GATAD2A: variants seen among roughly 807,000 people sequenced by gnomAD.
GATAD2A encodes the protein transcriptional repressor p66-alpha.
In GATAD2A, 12 loss-of-function variants were observed where a neutral mutation model predicts 68.5. The observed-to-expected ratio is 0.18, with a 90% CI of 0.11 to 0.28. The LOEUF is 0.28. Among genes scored for constraint, GATAD2A ranks in the 10% least tolerant of loss-of-function variants. The probability of loss-of-function intolerance (pLI) is 1.00; values close to 1 mark genes in which losing one functional copy is unlikely to be tolerated. For missense variants in GATAD2A, 755 were observed against 868.5 expected, an observed-to-expected ratio of 0.87 and a Z score of 1.64; for synonymous variants, 410 against 375.3, an observed-to-expected ratio of 1.09 and a Z score of -1.07.
intron 1 of GATAD2A, among the ~76,000 whole-genome samples, chr19:19,395,076 C>G (rs2049127176): frequency 6.6e-6 from 1 of 152,178 alleles, no homozygotes; most frequent in Non-Finnish European, 1.5e-5. Flanking sequence ...CTCTGCTGCC[C>G]TTGGGAAGTG....
intron 2 of GATAD2A, among the ~76,000 whole-genome samples, chr19:19,489,218 C>G (rs2059628205): frequency 6.6e-6 from 1 of 152,222 alleles, no homozygotes; most frequent in Admixed American, 6.5e-5. Flanking sequence ...GCCTGTGGTG[C>G]AGCAACAGTC....
At chr19:19,451,561 G>A (rs531564844) in intron 1 of GATAD2A, among the ~76,000 whole-genome samples, 1 of 152,354 alleles carries the variant, frequency 6.6e-6, no homozygotes, top group Admixed American at 6.5e-5. Context: ...GTGCCAGTGA[G>A]TTGAGGACGT....
intron 2 of GATAD2A, among the ~76,000 whole-genome samples, chr19:19,479,718 G>A (rs1290551328): frequency 3.3e-5 from 5 of 152,056 alleles, no homozygotes; most frequent in Admixed American, 6.6e-5. Context: ...GATCGTTTTG[G>A]TGAGGTGCCA....
At chr19:19,388,759 T>C (rs1420747167) in intron 1 of GATAD2A, among the ~76,000 whole-genome samples, 8 of 152,004 alleles carry the variant, frequency 5.3e-5, no homozygotes, top group African/African-American at 1.9e-4. Flanking sequence ...CCCTGCATAG[T>C]ATAACTTAAC....
At chr19:19,433,869 G>C (rs557881063) in intron 1 of GATAD2A, among the ~76,000 whole-genome samples, 62 of 152,290 alleles carry the variant, frequency 4.1e-4, no homozygotes, top group African/African-American at 1.3e-3. Context: ...CCTGGGCTCA[G>C]GTGATCCTCC....
At chr19:19,493,876 C>T (rs560939877) in intron 4 of GATAD2A, among the ~76,000 whole-genome samples, 3 of 152,108 alleles carry the variant, frequency 2.0e-5, no homozygotes, top group Non-Finnish European at 4.4e-5. Context: ...CCCTTCTCTA[C>T]TGGAACATGC....
chr19:19,401,400 A>C (rs954697839), upstream of GATAD2A, among the ~76,000 whole-genome samples: 3 of 151,824 alleles, frequency 2.0e-5, no homozygotes, highest in Non-Finnish European at 2.9e-5. Context: ...TTTTTAGTAG[A>C]GACAGGGTTT....
At chr19:19,426,459 G>A (rs1472103885) in intron 1 of GATAD2A, among the ~76,000 whole-genome samples, 1 of 152,168 alleles carries the variant, frequency 6.6e-6, no homozygotes, top group Non-Finnish European at 1.5e-5. Flanking sequence ...ATGACATAAT[G>A]TGTGGCCGCT....
At chr19:19,461,133 C>T (rs1038127461) in intron 1 of GATAD2A, among the ~76,000 whole-genome samples, 8 of 152,160 alleles carry the variant, frequency 5.3e-5, no homozygotes, top group African/African-American at 1.2e-4. Context: ...GGCAGAAAGA[C>T]GCCTAAAATC....
At chr19:19,497,861 G>A (rs969871859) in intron 7 of GATAD2A, among the ~76,000 whole-genome samples, 6 of 152,338 alleles carry the variant, frequency 3.9e-5, no homozygotes, top group African/African-American at 1.4e-4. Flanking sequence ...TGGGATCCAG[G>A]CAGGACTGTG....
At chr19:19,445,756 T>C (rs2055635261) in intron 1 of GATAD2A, among the ~76,000 whole-genome samples, 1 of 152,248 alleles carries the variant, frequency 6.6e-6, no homozygotes, top group Non-Finnish European at 1.5e-5. Context: ...TTCATTCCTT[T>C]TTATGGCCAA....
At chr19:19,389,923 C>T (rs1037838334) in intron 1 of GATAD2A, among the ~76,000 whole-genome samples, 5 of 152,056 alleles carry the variant, frequency 3.3e-5, no homozygotes, top group African/African-American at 4.8e-5. Context: ...CCACCACGCC[C>T]GGCTATATTT....
At chr19:19,483,969 G>A (rs961322802) in intron 2 of GATAD2A, among the ~76,000 whole-genome samples, 1 of 151,966 alleles carries the variant, frequency 6.6e-6, no homozygotes, top group South Asian at 2.1e-4. Flanking sequence ...CTAGACAACA[G>A]AGCTCTCTTT....
chr19:19,422,771 A>G lies in GATAD2A; in HGVS notation c.-7+16752A>G, dbSNP rs148795149. Among the ~76,000 whole-genome samples the G allele has an allele frequency of 5.3e-3, 783 of 146,516 alleles. 6 individuals are homozygous for G. Among genetic ancestry groups the G allele is most frequent in the South Asian group, 0.041 (190 of 4,656 alleles). On this transcript the variant is annotated intron_variant, in intron 1 of 11. Transcript: ENST00000683918. ...CTGTCACCCAGGCTGGAGTGCAGTG[A>G]CGCGATCTTGGCTCACTGCAAGCTC...
chr19:19,429,136 G>A (rs763600760), intron 1 of GATAD2A: 5 of 951,174 alleles, frequency 5.3e-6, no homozygotes, highest in South Asian at 4.9e-5. Context: ...TGTTAGATGA[G>A]GTGATGCGCA....
chr19:19,477,114 C>T (rs1305751307), intron 2 of GATAD2A, among the ~76,000 whole-genome samples: 7 of 152,098 alleles, frequency 4.6e-5, no homozygotes, highest in African/African-American at 1.7e-4. Flanking sequence ...GGCAGGGTAA[C>T]GCCTGAAGCC....
intron 1 of GATAD2A, among the ~76,000 whole-genome samples, chr19:19,445,653 A>C (rs1227654912): frequency 6.6e-6 from 1 of 152,190 alleles, no homozygotes; most frequent in Non-Finnish European, 1.5e-5. Flanking sequence ...CTGGCATTTC[A>C]TATAAATGGG....
At chr19:19,425,970 T>G (rs2053039797) in intron 1 of GATAD2A, among the ~76,000 whole-genome samples, 1 of 152,070 alleles carries the variant, frequency 6.6e-6, no homozygotes, top group African/African-American at 2.4e-5. Context: ...GTATTTTTTG[T>G]AGGGATGGTG....
intron 1 of GATAD2A, among the ~76,000 whole-genome samples, chr19:19,453,366 A>G (rs1050527656): frequency 6.6e-6 from 1 of 152,232 alleles, no homozygotes; most frequent in Non-Finnish European, 1.5e-5. Context: ...CTTTTGGGAC[A>G]GTATAAAATT....
Sources: allele counts gnomAD v4.1 joint callset (sites outside exome capture counted in the v4.1 genomes callset), GRCh38; gene constraint gnomAD v4.1.1; transcripts MANE v1.5; gene names NCBI Gene and HGNC (gene_info 2026-07-23, HGNC 2026-07-21).